Variants in COL22A1 observed in about 807,000 individuals in gnomAD.
COL22A1 encodes collagen type XXII alpha 1 chain, also known as collagen alpha-1(XXII) chain.
In COL22A1, 221 loss-of-function variants were observed where a neutral mutation model predicts 248.9. The observed-to-expected ratio is 0.89, with a 90% confidence interval of 0.80 to 0.99. The LOEUF (loss-of-function observed/expected upper bound fraction) is 0.99, where lower values mean the gene tolerates loss of function less well. COL22A1 is among the 50% of genes least tolerant of loss of function. COL22A1 has a pLI of 0.00. For synonymous variants in COL22A1, 891 were observed against 793.4 expected, an observed-to-expected ratio of 1.12 and a Z score of -2.07; for missense variants, 2,240 against 2,179.0, an observed-to-expected ratio of 1.03 and a Z score of -0.56.
intron 23 of COL22A1, among the ~76,000 whole-genome samples, chr8:138,727,048 C>T (rs1197380349): frequency 6.6e-6 from 1 of 152,122 alleles, no homozygotes; most frequent in Non-Finnish European, 1.5e-5. Flanking sequence ...CTGCATATAT[C>T]CAGGTTCCTG....
At chr8:138,679,761 C>T in intron 39 of COL22A1, 85 bp from the exon 40 acceptor site, 1 of 1,179,296 alleles carries the variant, frequency 8.5e-7, no homozygotes, top group Non-Finnish European at 1.3e-6. Flanking sequence ...CTGTTAGGTA[C>T]TGGATCTATG....
In COL22A1 at chr8:138,588,953, C is replaced by A; in HGVS notation, c.*300G>T. ...AGAATGAAGAAACAATCTCCTGCCC[C>A]ACGAATCAAGTTTTCCCAACTTTAA... On this transcript the variant is annotated 3_prime_UTR_variant, in exon 65 of 65. Transcript: ENST00000303045. 4.2e-6 allele frequency: 1 copy of A among 237,232 alleles called. No individual in the cohort carries two copies. Among genetic ancestry groups the A allele is most frequent in the South Asian group, 1.2e-4 (1 of 8,486 alleles). The allele number at this position is 237,232 out of a possible 1,614,324, so 14.7% of individuals were successfully genotyped here.
chr8:138,709,231 G>A (rs1439563003), intron 30 of COL22A1, among the ~76,000 whole-genome samples: 5 of 152,072 alleles, frequency 3.3e-5, no homozygotes, highest in South Asian at 2.1e-4. Flanking sequence ...ACAGTGTGGC[G>A]ATTCCTCAAG....
chr8:138,729,420 G>C (rs932767336), intron 23 of COL22A1, among the ~76,000 whole-genome samples: 1 of 152,126 alleles, frequency 6.6e-6, no homozygotes, highest in African/African-American at 2.4e-5. Flanking sequence ...ACAGCAACTG[G>C]TTCCATGCTA....
intron 45 of COL22A1, among the ~76,000 whole-genome samples, chr8:138,653,999 C>T (rs903139308): frequency 5.3e-5 from 8 of 152,226 alleles, no homozygotes; most frequent in African/African-American, 1.9e-4. Flanking sequence ...GGGTTTCCAG[C>T]TGCTCTGATG....
chr8:138,796,850 C>T lies in COL22A1; in HGVS notation c.1565G>A (p.Gly522Glu). The change falls in exon 12 of 65, where the codon GGA becomes GAA. Residue 522 changes from glycine to glutamate, a missense_variant. Gly to Glu is a moderately conservative substitution (Grantham distance 98, BLOSUM62 -2). Transcript: ENST00000303045. ...PKGEKGDVGI[G>E]PFGQGEKGEK... ...ACCCTTTTCCCCTTGGCCAAAAGGT[C>T]CTATGCCCTAGAAAAATGAAAGAAG... 1 of 1,598,856 alleles carries T rather than the reference C, an allele frequency of 6.3e-7. No individual in the cohort carries two copies. The highest frequency in any genetic ancestry group is 1.1e-5 in the South Asian group (1 of 90,660).
In COL22A1 at chr8:138,882,996, C is replaced by T. The variant is rs559113527; in HGVS notation, c.91+86G>A. The T allele has an allele frequency of 7.5e-6, 9 of 1,202,634 alleles. No homozygotes were observed. In the South Asian group the frequency reaches 1.1e-4, roughly 15 times the overall value. The allele number at this position is 1,202,634 out of a possible 1,614,324, so 74.5% of individuals were successfully genotyped here. Reference sequence around the variant, plus strand: ...ACACAGTCAGTTGTGAACTCACTTGCATGCACACACCACAGCCCATGCTCA... The same window carrying T: ...ACACAGTCAGTTGTGAACTCACTTGTATGCACACACCACAGCCCATGCTCA... On this transcript the variant is annotated intron_variant, in intron 2 of 64. Transcript: ENST00000303045.
intron 23 of COL22A1, among the ~76,000 whole-genome samples, chr8:138,737,077 C>G (rs764390658): frequency 1.3e-5 from 2 of 152,290 alleles, no homozygotes; most frequent in Middle Eastern, 3.4e-3. Flanking sequence ...CCATTCCTGC[C>G]CAGCGCTGCG....
At chr8:138,644,891 CG>C (rs1270428025) in intron 47 of COL22A1, among the ~76,000 whole-genome samples, 3 of 152,114 alleles carry the variant, frequency 2.0e-5, no homozygotes, top group South Asian at 2.1e-4. Flanking sequence ...GCCTGTGGGA[CG>C]GACGGCCCGC....
At chr8:138,797,411 T>C (rs560774359) in intron 11 of COL22A1, among the ~76,000 whole-genome samples, 3 of 152,198 alleles carry the variant, frequency 2.0e-5, no homozygotes, top group Non-Finnish European at 2.9e-5. Context: ...GGTTAATCCA[T>C]GTCAGACCAT....
intron 17 of COL22A1, among the ~76,000 whole-genome samples, chr8:138,762,178 G>A (rs1158763100): frequency 1.3e-5 from 2 of 152,112 alleles, no homozygotes; most frequent in African/African-American, 2.4e-5. Flanking sequence ...TTATGATAAC[G>A]CACCACCTTA....
At chr8:138,619,366 G>T in intron 53 of COL22A1, 89 bp downstream of exon 53, 1 of 1,187,358 alleles carries the variant, frequency 8.4e-7, no homozygotes, top group Non-Finnish European at 1.2e-6. Context: ...CCACGGTTGG[G>T]CAGTCTGGGC....
At chr8:138,607,250 A>C (rs1818495199) in intron 57 of COL22A1, among the ~76,000 whole-genome samples, 1 of 152,212 alleles carries the variant, frequency 6.6e-6, no homozygotes, top group East Asian at 1.9e-4. Flanking sequence ...CAGTTGGCTC[A>C]CACCTTGCAG....
intron 39 of COL22A1, among the ~76,000 whole-genome samples, chr8:138,681,342 G>A (rs4493946): frequency 0.99 from 150,302 of 152,240 alleles, 74,223 homozygotes; most frequent in South Asian, 1. Context: ...CTACCCATCA[G>A]TGGATCTTTG....
chr8:138,878,346 G>A, intron 2 of COL22A1, 30 bp from the exon 3 acceptor site: 1 of 1,471,994 alleles, frequency 6.8e-7, no homozygotes, highest in South Asian at 1.4e-5. Flanking sequence ...GGTGGCGTAG[G>A]GCAAATGGGC....
chr8:138,736,965 G>T (rs1422275788), intron 23 of COL22A1, among the ~76,000 whole-genome samples: 3 of 152,104 alleles, frequency 2.0e-5, no homozygotes, highest in Non-Finnish European at 2.9e-5. Flanking sequence ...CGCCCTTTTG[G>T]TTTTCTGGCC....
chr8:138,646,968 C>T lies in COL22A1; in HGVS notation c.3448-286G>A, dbSNP rs974902932. Among the ~76,000 whole-genome samples the T allele has an allele frequency of 3.9e-5, 6 of 152,276 alleles. No homozygotes were observed. In the South Asian group the frequency reaches 6.2e-4, roughly 16 times the overall value. ...TCCCATATTTGCAACCTGGAGCAGC[C>T]GTCCTGCCATTTGTTCCAGGTTTGG... On this transcript the variant is annotated intron_variant, in intron 46 of 64. Transcript: ENST00000303045.
intron 3 of COL22A1, among the ~76,000 whole-genome samples, chr8:138,876,437 G>A (rs1823723442): frequency 6.6e-6 from 1 of 152,162 alleles, no homozygotes; most frequent in African/African-American, 2.4e-5. Flanking sequence ...TCTAGACTAT[G>A]AGCACCCTGA....
intron 22 of COL22A1, among the ~76,000 whole-genome samples, chr8:138,743,640 A>C (rs1200561896): frequency 2.0e-5 from 3 of 152,186 alleles, no homozygotes; most frequent in Non-Finnish European, 2.9e-5. Context: ...GCTAGAAAAA[A>C]TAAATTTTGT....
Sources: allele counts gnomAD v4.1 joint callset (sites outside exome capture counted in the v4.1 genomes callset), GRCh38; gene constraint gnomAD v4.1.1; transcripts MANE v1.5; gene names NCBI Gene and HGNC (gene_info 2026-07-23, HGNC 2026-07-21).